The following MTREX variants were observed in gnomAD, a reference collection of about 807,000 sequenced individuals.
The protein encoded by MTREX is Mtr4 exosome RNA helicase.
Under a neutral mutation model 135.4 loss-of-function variants are expected in MTREX, and 76 were observed. That is an observed-to-expected ratio of 0.56 (90% CI 0.47 to 0.68). MTREX has a LOEUF of 0.68. Ranked by LOEUF, MTREX falls within the 30% of genes least tolerant of loss-of-function variation. MTREX has a pLI of 0.00. For synonymous variants in MTREX, 404 were observed against 401.6 expected, an observed-to-expected ratio of 1.01 and a Z score of -0.07; for missense variants, 920 against 1,262.1, an observed-to-expected ratio of 0.73 and a Z score of 4.11.
At chr5:55,310,185 C>CT (rs2112014237) in intron 1 of MTREX, among the ~76,000 whole-genome samples, 1 of 152,240 alleles carries the variant, frequency 6.6e-6, no homozygotes, top group Non-Finnish European at 1.5e-5. Flanking sequence ...AAATAAAAAT[C>CT]TAATTTACAT....
intron 19 of MTREX, among the ~76,000 whole-genome samples, chr5:55,393,307 T>C (rs888928264): frequency 6.6e-6 from 1 of 152,222 alleles, no homozygotes; most frequent in Non-Finnish European, 1.5e-5. Flanking sequence ...TTGGCATTGC[T>C]TTTATGGAGA....
intron 18 of MTREX, among the ~76,000 whole-genome samples, chr5:55,380,279 C>T (rs1229938022): frequency 6.6e-6 from 1 of 152,124 alleles, no homozygotes; most frequent in Admixed American, 6.5e-5. Context: ...ATGATACACA[C>T]TCTACAATTT....
chr5:55,342,584 G>A (rs1749669707), intron 7 of MTREX, among the ~76,000 whole-genome samples: 1 of 152,190 alleles, frequency 6.6e-6, no homozygotes, highest in Non-Finnish European at 1.5e-5. Context: ...TAGGGTGCTG[G>A]CAGGGCTAAC....
chr5:55,355,124 C>T (rs969414862), intron 14 of MTREX, among the ~76,000 whole-genome samples: 7 of 152,152 alleles, frequency 4.6e-5, no homozygotes, highest in African/African-American at 1.7e-4. Context: ...AGCCTGGGAC[C>T]CTCCCTCACA....
chr5:55,381,863 T>C (rs1750401161), intron 18 of MTREX, among the ~76,000 whole-genome samples: 1 of 152,200 alleles, frequency 6.6e-6, no homozygotes, highest in South Asian at 2.1e-4. Context: ...CTCGTAACTA[T>C]TGTTGTTGTA....
intron 1 of MTREX, among the ~76,000 whole-genome samples, chr5:55,319,507 A>T (rs1027693072): frequency 2.0e-5 from 3 of 152,178 alleles, no homozygotes; most frequent in East Asian, 1.9e-4. Flanking sequence ...TTATAATTAG[A>T]TGTTGGCCAA....
chr5:55,327,866 C>T, intron 4 of MTREX, 88 bp downstream of exon 4: 1 of 997,386 alleles, frequency 1.0e-6, no homozygotes, highest in Non-Finnish European at 1.6e-6. Flanking sequence ...TTTTATATTT[C>T]CCACAACATG....
intron 25 of MTREX, among the ~76,000 whole-genome samples, chr5:55,420,166 C>T (rs945772039): frequency 1.3e-5 from 2 of 152,136 alleles, no homozygotes; most frequent in African/African-American, 2.4e-5. Context: ...TGGGGTTTAG[C>T]GGCAAGTAGT....
At chr5:55,361,225 T>G (rs1750000761) in intron 15 of MTREX, among the ~76,000 whole-genome samples, 1 of 152,340 alleles carries the variant, frequency 6.6e-6, no homozygotes, top group South Asian at 2.1e-4. Context: ...ATAGAAATAC[T>G]GAGTACTTAA....
chr5:55,382,581 C>G (rs748347093), intron 18 of MTREX, among the ~76,000 whole-genome samples: 10 of 151,442 alleles, frequency 6.6e-5, no homozygotes, highest in Non-Finnish European at 1.3e-4. Context: ...CTTTTTATTG[C>G]TTTTTGAAAA....
At chr5:55,323,570 G>A (rs1048609645) in intron 2 of MTREX, among the ~76,000 whole-genome samples, 4 of 151,942 alleles carry the variant, frequency 2.6e-5, no homozygotes, top group African/African-American at 7.3e-5. Context: ...CTACAGGCGC[G>A]TGCCACCACG....
intron 25 of MTREX, among the ~76,000 whole-genome samples, chr5:55,417,767 T>TA (rs747435664): frequency 6.7e-4 from 102 of 152,180 alleles, no homozygotes; most frequent in Middle Eastern, 3.2e-3. Flanking sequence ...AGGATGAAAC[T>TA]AGTAACTGTT....
At chr5:55,420,676 A>G (rs1191903873) in intron 25 of MTREX, among the ~76,000 whole-genome samples, 4 of 152,228 alleles carry the variant, frequency 2.6e-5, no homozygotes, top group African/African-American at 9.6e-5. Flanking sequence ...CATAGAGACA[A>G]AGCATAGACG....
intron 1 of MTREX, among the ~76,000 whole-genome samples, chr5:55,315,697 GGTT>G (rs1272662478): frequency 3.3e-5 from 5 of 151,904 alleles, no homozygotes; most frequent in African/African-American, 7.3e-5. Flanking sequence ...CTAAGAAGGT[GGTT>G]GTTCTACACT....
At chr5:55,414,409 CTCT>C (rs767281807) in intron 24 of MTREX, among the ~76,000 whole-genome samples, 171 bp downstream of exon 24, 11 of 151,994 alleles carry the variant, frequency 7.2e-5, no homozygotes, top group Admixed American at 1.3e-4. Flanking sequence ...CTGATAACAT[CTCT>C]TGTGATTTTT....
intron 1 of MTREX, among the ~76,000 whole-genome samples, chr5:55,310,181 A>C (rs935834561): frequency 6.6e-6 from 1 of 152,256 alleles, no homozygotes; most frequent in African/African-American, 2.4e-5. Context: ...GAGGAAATAA[A>C]AATCTAATTT....
Position 55,349,598 on chromosome 5 carries a change from A to T in MTREX, c.1266A>T (p.Glu422Asp). ...NTDEEKKMVE[E>D]VFSNAIDCLS... ...ATGAAGAAAAGAAGATGGTTGAAGA[A>T]GTATTCAGTAATGCAATTGATTGCT... Residue 422 changes from glutamate to aspartate, a missense_variant, in exon 12 of 27, where the codon GAA becomes GAT. Physicochemically the swap from Glu to Asp is conservative, Grantham distance 45 (BLOSUM62 2). Transcript: ENST00000230640. 6.2e-7 allele frequency: 1 copy of T among 1,603,436 alleles called. No homozygotes were observed. The highest frequency in any genetic ancestry group is 8.5e-7 in the Non-Finnish European group (1 of 1,170,704).
Position 55,416,006 on chromosome 5 carries a change from G to A in MTREX, c.2845G>A (p.Ala949Thr), listed in dbSNP as rs758473128. The A allele has an allele frequency of 1.3e-6, 2 of 1,595,984 alleles. No individual in the cohort carries two copies. The highest frequency in any genetic ancestry group is 3.6e-5 in the Admixed American group (2 of 55,876). The change falls in exon 25 of 27, where the codon GCC becomes ACC. Residue 949 changes from alanine to threonine, a missense_variant. Ala to Thr is a moderately conservative substitution (Grantham distance 58). Coordinates refer to ENST00000230640, the MANE Select transcript of MTREX (RefSeq NM_015360.5). The part of the protein sequence containing the change: ...AKRIAKVSAE[A>T]KLEIDEETYL... ...AAGAATTGCAAAAGTTTCAGCAGAA[G>A]CCAAATTGGAAATTGATGAGGAAAC...
At chr5:55,322,926 A>C (rs1020492391) in intron 2 of MTREX, among the ~76,000 whole-genome samples, 2 of 152,130 alleles carry the variant, frequency 1.3e-5, no homozygotes, top group Non-Finnish European at 2.9e-5. Context: ...AATCGCTGGT[A>C]TTTATCTGAT....
Sources: gnomAD v4.1 joint callset for allele counts (sites outside exome capture counted in the v4.1 genomes callset) on GRCh38, gnomAD v4.1.1 for gene constraint, MANE v1.5 for transcripts, NCBI Gene and HGNC (gene_info 2026-07-23, HGNC 2026-07-21) for gene names.